Variants in EARS2 observed in about 807,000 individuals in gnomAD.
The protein encoded by EARS2 is nondiscriminating glutamyl-tRNA synthetase EARS2, mitochondrial.
In EARS2, 50 loss-of-function variants were observed where a neutral mutation model predicts 54.1. That is an observed-to-expected ratio of 0.92 (90% CI 0.74 to 1.17). The LOEUF is 1.17. EARS2 is among the 50% of genes most tolerant of loss of function. The pLI is 0.00. For synonymous variants in EARS2, 298 were observed against 281.0 expected (o/e 1.06, Z -0.61); for missense variants, 673 against 675.0 (o/e 1.00, Z 0.03).
In EARS2 at chr16:23,529,849, C is replaced by G; in HGVS notation, c.1116G>C (p.Leu372=). Reference sequence around the variant, plus strand: ...CCACAAGGACCTGCAGCTTCCCCACCAGCTGGCGCCTCTGGCTCTCATTGC... The same window carrying G: ...CCACAAGGACCTGCAGCTTCCCCACGAGCTGGCGCCTCTGGCTCTCATTGC... The part of the protein sequence containing the change: ...LVSNESQRRQ[L]VGKLQVLVEE... The change falls in exon 6 of 9, where the codon CTG becomes CTC. Residue 372 remains leucine (L), a synonymous_variant. Coordinates refer to ENST00000449606, the MANE Select transcript of EARS2 (RefSeq NM_001083614.2). The G allele has an allele frequency of 5.0e-6, 8 of 1,614,174 alleles. No homozygotes were observed. Among genetic ancestry groups the G allele is most frequent in the Non-Finnish European group, 6.8e-6 (8 of 1,180,040 alleles).
intron 2 of EARS2, among the ~76,000 whole-genome samples, chr16:23,551,825 C>G (rs549991645): frequency 2.6e-5 from 4 of 152,196 alleles, no homozygotes; most frequent in Admixed American, 2.6e-4. Context: ...GAGGCTGAGG[C>G]AGAAGAATGG....
At chr16:23,530,270 C>T (rs1317886206) in intron 5 of EARS2, among the ~76,000 whole-genome samples, 1 of 152,124 alleles carries the variant, frequency 6.6e-6, no homozygotes, top group Non-Finnish European at 1.5e-5. Flanking sequence ...GGCCCACAGA[C>T]ACACATCACC....
rs958195145 is a variant in EARS2 at position 23,530,006 on chromosome 16, G to A, written c.1068-109C>T. 10 of 1,371,788 alleles carry A rather than the reference G, an allele frequency of 7.3e-6. No homozygotes were observed. In the Admixed American group the frequency reaches 9.3e-5, roughly 13 times the overall value. 85.0% of individuals were successfully genotyped at this position (1,371,788 alleles called of 1,614,324 possible). On this transcript the variant is annotated intron_variant, in intron 5 of 8. Transcript: ENST00000449606. ...GGAAGAATGACATATCAGGTCCCAT[G>A]AGCCCTCCCTTTCGCAAGCTAGAAG...
At chr16:23,546,699 G>A (rs754562649) in intron 2 of EARS2, among the ~76,000 whole-genome samples, 14 of 152,188 alleles carry the variant, frequency 9.2e-5, no homozygotes, top group South Asian at 2.1e-4. Context: ...GAGACTACAG[G>A]TACATGCCAC....
chr16:23,540,462 C>T (rs996875344), intron 3 of EARS2, among the ~76,000 whole-genome samples: 1 of 152,228 alleles, frequency 6.6e-6, no homozygotes, highest in Non-Finnish European at 1.5e-5. Flanking sequence ...AATGCTATTG[C>T]AGATGGGAGT....
At chr16:23,537,263 T>C (rs1296331730) in intron 3 of EARS2, 1 of 158,364 alleles carries the variant, frequency 6.3e-6, no homozygotes, top group Non-Finnish European at 1.4e-5. Context: ...TTTTCTTTTT[T>C]AAATTTCATA....
chr16:23,547,279 T>C (rs1443500414), intron 2 of EARS2, among the ~76,000 whole-genome samples: 1 of 152,184 alleles, frequency 6.6e-6, no homozygotes, highest in Non-Finnish European at 1.5e-5. Context: ...CTCATTCATA[T>C]GAAACGTCCA....
Position 23,532,735 on chromosome 16 carries a change from A to G in EARS2, c.989T>C (p.Leu330Pro). Residue 330 changes from leucine to proline, a missense_variant, in exon 5 of 9, where the codon CTG (leucine) becomes CCG (proline). By Grantham distance (98) the Leu-to-Pro change is moderately conservative. Around this residue, in one of 3 missense-constraint regions of EARS2, gnomAD observed 338 missense variants for 361.2 expected, o/e 0.94. Coordinates refer to ENST00000449606, the MANE Select transcript of EARS2 (RefSeq NM_001083614.2). Reference sequence around the variant, plus strand: ...CTGTGTCAGGTTGAACTGTGTGATCAGCTCCGGCAGGGTCCTGCCCATTTG... The same window carrying G: ...CTGTGTCAGGTTGAACTGTGTGATCGGCTCCGGCAGGGTCCTGCCCATTTG... The part of the protein sequence containing the change: ...ENQMGRTLPE[L>P]ITQFNLTQVT... 3 of 1,613,962 alleles carry G rather than the reference A, an allele frequency of 1.9e-6. No individual in the cohort carries two copies. Among genetic ancestry groups the G allele is most frequent in the Non-Finnish European group, 2.5e-6 (3 of 1,179,900 alleles).
chr16:23,548,395 C>T (rs1399981133), intron 2 of EARS2, among the ~76,000 whole-genome samples: 3 of 152,158 alleles, frequency 2.0e-5, no homozygotes, highest in African/African-American at 4.8e-5. Context: ...GGGGGACAAG[C>T]TCTGGGCTGC....
At chr16:23,546,713 G>A (rs958671325) in intron 2 of EARS2, among the ~76,000 whole-genome samples, 2 of 152,116 alleles carry the variant, frequency 1.3e-5, no homozygotes, top group African/African-American at 4.8e-5. Context: ...ATGCCACCAG[G>A]CCTGGCTAAC....
At position 23,525,738 on chromosome 16, in the gene EARS2, G is replaced by A. The variant is rs1965216264; in HGVS notation, c.1353-359C>T. 2.6e-5 allele frequency among the ~76,000 whole-genome samples: 4 copies of A among 152,234 alleles called. 1 individual carries two copies. In the East Asian group the frequency reaches 7.7e-4, roughly 29 times the overall value. ...GAGGCTGGCGCAGTGGCTCACACCT[G>A]TAATCCCAGCACTTTGGGAGGCCAA... is the stretch of plus-strand genomic sequence containing the variant. On this transcript the variant is annotated intron_variant, in intron 7 of 8. Transcript: ENST00000449606.
At chr16:23,537,910 C>A (rs1965449809) in intron 3 of EARS2, among the ~76,000 whole-genome samples, 1 of 151,320 alleles carries the variant, frequency 6.6e-6, no homozygotes, top group South Asian at 2.1e-4. Flanking sequence ...TCTCCCACCT[C>A]AGCCTCCCAA....
intron 3 of EARS2, among the ~76,000 whole-genome samples, chr16:23,543,809 T>C (rs776615323): frequency 2.0e-5 from 3 of 150,054 alleles, no homozygotes; most frequent in Non-Finnish European, 4.4e-5. Flanking sequence ...AAGTGGAAAA[T>C]ACAACACCCA....
intron 2 of EARS2, among the ~76,000 whole-genome samples, chr16:23,550,606 T>G (rs1339412752): frequency 6.6e-6 from 1 of 151,750 alleles, no homozygotes; most frequent in Non-Finnish European, 1.5e-5. Context: ...CCTGGCTAAT[T>G]TTTTGTATTT....
chr16:23,528,950 G>C (rs1287785050), intron 7 of EARS2, among the ~76,000 whole-genome samples: 3 of 152,234 alleles, frequency 2.0e-5, no homozygotes, highest in Admixed American at 2.0e-4. Context: ...TGCAGGAAAA[G>C]TGGTCAGCAT....
intron 3 of EARS2, among the ~76,000 whole-genome samples, chr16:23,535,890 T>C (rs921990157): frequency 4.6e-5 from 7 of 152,206 alleles, no homozygotes; most frequent in Non-Finnish European, 1.0e-4. Flanking sequence ...TGCTTGGACC[T>C]GCGGCAGCTA....
chr16:23,543,424 C>A (rs1318611756), intron 3 of EARS2, among the ~76,000 whole-genome samples: 14 of 150,054 alleles, frequency 9.3e-5, no homozygotes, highest in African/African-American at 3.2e-4. Flanking sequence ...TGAAAAAAAA[C>A]AACAACAACA....
intron 3 of EARS2, among the ~76,000 whole-genome samples, chr16:23,541,202 C>T (rs1175040900): frequency 6.6e-6 from 1 of 151,860 alleles, no homozygotes; most frequent in African/African-American, 2.4e-5. Flanking sequence ...TGGCGGGCAC[C>T]TGTAATCCCA....
In EARS2 at chr16:23,523,008, G is replaced by A. The variant is rs936304635; in HGVS notation, c.*1363C>T. 1 of 152,186 alleles carries A rather than the reference G, an allele frequency of 6.6e-6. No individual in the cohort carries two copies. The highest frequency in any genetic ancestry group is 1.5e-5 in the Non-Finnish European group (1 of 68,052). 9.4% of individuals were successfully genotyped at this position (152,186 alleles called of 1,614,324 possible). On this transcript the variant is annotated 3_prime_UTR_variant, in exon 9 of 9. Coordinates refer to ENST00000449606, the MANE Select transcript of EARS2 (RefSeq NM_001083614.2). ...GAAGCTGGCTTCCCCCAAAGTAAGCGATCAAAGAAAACAAGACAGAAGCCA... is the reference window on the plus strand; with the variant it reads ...GAAGCTGGCTTCCCCCAAAGTAAGCAATCAAAGAAAACAAGACAGAAGCCA...
Sources: allele counts gnomAD v4.1 joint callset (sites outside exome capture counted in the v4.1 genomes callset), GRCh38; gene constraint gnomAD v4.1.1; regional missense constraint gnomAD v4.1.1; transcripts MANE v1.5; gene names NCBI Gene and HGNC (gene_info 2026-07-23, HGNC 2026-07-21).